Variants in NBEA observed in about 807,000 individuals in gnomAD.
The protein encoded by NBEA is neurobeachin, also known as lysosomal-trafficking regulator 2.
A neutral mutation model predicts 343.4 loss-of-function variants in NBEA; 44 were observed. That is an observed-to-expected ratio of 0.13 (90% CI 0.10 to 0.16). The LOEUF (loss-of-function observed/expected upper bound fraction) is 0.16. NBEA is among the 10% of genes least tolerant of loss of function. The pLI, the probability that NBEA is intolerant of heterozygous loss-of-function variation, is 1.00. For synonymous variants in NBEA, 1,175 were observed against 1,238.7 expected (o/e 0.95, Z 1.08); for missense variants, 2,555 against 3,631.3 (o/e 0.70, Z 7.62).
At chr13:35,067,452 A>C (rs2063696141) in intron 8 of NBEA, among the ~76,000 whole-genome samples, 1 of 152,142 alleles carries the variant, frequency 6.6e-6, no homozygotes, top group South Asian at 2.1e-4. Context: ...ATTGAAGTGT[A>C]ATTTACATGC....
In NBEA at chr13:35,606,205, G is replaced by A. The variant is rs371473464; in HGVS notation, c.7297-221G>A. On this transcript the variant is annotated intron_variant, in intron 47 of 58. Transcript: ENST00000379939. ...TGAAAATAGGTAACATTTTAAAGTA[G>A]CTATCATAAACATAAATTTTCAAGT... is the stretch of plus-strand genomic sequence containing the variant. 3.9e-5 allele frequency among the ~76,000 whole-genome samples: 6 copies of A among 151,942 alleles called. No individual in the cohort carries two copies. The East Asian group carries it at 9.6e-4, about 24-fold the overall frequency.
chr13:35,444,006 T>G (rs1042730019), intron 39 of NBEA, among the ~76,000 whole-genome samples: 1 of 151,958 alleles, frequency 6.6e-6, no homozygotes, highest in African/African-American at 2.4e-5. Flanking sequence ...TTTAGATGAT[T>G]TACAAAGAAA....
chr13:35,268,765 T>A (rs1462829612), intron 34 of NBEA, among the ~76,000 whole-genome samples: 1 of 152,094 alleles, frequency 6.6e-6, no homozygotes, highest in Non-Finnish European at 1.5e-5. Flanking sequence ...CATTTTAATG[T>A]ATGATCATTT....
At chr13:35,291,211 A>G (rs936825465) in intron 35 of NBEA, among the ~76,000 whole-genome samples, 2 of 151,848 alleles carry the variant, frequency 1.3e-5, no homozygotes, top group African/African-American at 4.8e-5. Context: ...TGTTTGTAAT[A>G]AGCAGTTATT....
chr13:35,506,454 C>G (rs2077076475), intron 41 of NBEA, among the ~76,000 whole-genome samples: 1 of 152,034 alleles, frequency 6.6e-6, no homozygotes, highest in African/African-American at 2.4e-5. Flanking sequence ...GTTTATAAGT[C>G]TGCCTTATGT....
chr13:35,671,165 C>T lies in NBEA; in HGVS notation c.*174C>T. On this transcript the variant is annotated 3_prime_UTR_variant, in exon 59 of 59. Coordinates refer to ENST00000379939, the MANE Select transcript of NBEA (RefSeq NM_001385012.1). Reference sequence around the variant, plus strand: ...AACCATTTTACTTTGTGTGTTTTTTCACGACTGAACACCAGCTGCTATCAA... The same window carrying T: ...AACCATTTTACTTTGTGTGTTTTTTTACGACTGAACACCAGCTGCTATCAA... 1 of 555,816 alleles carries T rather than the reference C, an allele frequency of 1.8e-6. No homozygotes were observed. Among genetic ancestry groups the T allele is most frequent in the Non-Finnish European group, 3.2e-6 (1 of 309,548 alleles). The allele number at this position is 555,816 out of a possible 1,614,324, so 34.4% of individuals were successfully genotyped here. A position where few individuals can be genotyped will look rare whatever the true frequency, so the allele number is the denominator to read the frequency against.
chr13:35,639,648 T>G (rs2083849055), intron 49 of NBEA, among the ~76,000 whole-genome samples: 1 of 152,164 alleles, frequency 6.6e-6, no homozygotes, highest in Non-Finnish European at 1.5e-5. Context: ...CTAAGGAAAC[T>G]TTGAAAATCT....
intron 36 of NBEA, among the ~76,000 whole-genome samples, chr13:35,338,494 A>T (rs557058072): frequency 6.6e-6 from 1 of 152,188 alleles, no homozygotes; most frequent in Non-Finnish European, 1.5e-5. Context: ...AGAAAAATTC[A>T]TTACCAGATG....
In NBEA at chr13:35,159,203, G is replaced by A; in HGVS notation, c.3032G>A (p.Ser1011Asn). 6.2e-7 allele frequency: 1 copy of A among 1,613,562 alleles called. No individual in the cohort carries two copies. The highest frequency in any genetic ancestry group is 1.1e-5 in the South Asian group (1 of 91,064). ...REIEDLSQSQ[S>N]PESETDYPVS... The stretch of plus-strand genomic sequence containing the variant: ...ATAGAAGATCTTTCACAAAGCCAGA[G>A]CCCAGAAAGTGAGACCGATTACCCT... The change falls in exon 22 of 59, where the codon AGC (serine) becomes AAC (asparagine). Residue 1011 changes from serine to asparagine, a missense_variant. Physicochemically the swap from Ser to Asn is conservative, Grantham distance 46. This residue lies in a region of NBEA where 367 missense variants were observed against 377.5 expected (regional missense o/e 0.97). Coordinates refer to ENST00000379939, the MANE Select transcript of NBEA (RefSeq NM_001385012.1).
chr13:35,208,902 G>C (rs758104126), intron 32 of NBEA, 48 bp downstream of exon 32: 5 of 1,318,848 alleles, frequency 3.8e-6, no homozygotes, highest in Non-Finnish European at 5.1e-6. Flanking sequence ...TATGTTTTCT[G>C]TATCATTTTT....
At position 35,041,079 on chromosome 13, in the gene NBEA, T is replaced by C; in HGVS notation, c.441T>C (p.Ser147=). ...WSMFTAILRK[S]VRNLQTSTEV... ...TGTTTACAGCCATTCTACGAAAAAG[T>C]GTTCGGAATTTACAGACTAGCACAG... Residue 147 remains serine, a synonymous_variant, in exon 2 of 59, where the codon AGT becomes AGC. Transcript: ENST00000379939. 1 of 1,613,184 alleles carries C rather than the reference T, an allele frequency of 6.2e-7. No individual in the cohort carries two copies.
At chr13:35,156,315 T>A in intron 20 of NBEA, 109 bp downstream of exon 20, 1 of 1,158,102 alleles carries the variant, frequency 8.6e-7, no homozygotes, top group Non-Finnish European at 1.2e-6. Context: ...ATACTTTTAA[T>A]CATCAGAAAA....
rs754458332 is a variant in NBEA, at chr13:35,670,999, G to A, written c.*8G>A. 1 of 1,559,036 alleles carries A rather than the reference G, an allele frequency of 6.4e-7. No homozygotes were observed. Among genetic ancestry groups the A allele is most frequent in the Non-Finnish European group, 8.7e-7 (1 of 1,148,620 alleles). Reference sequence around the variant, plus strand: ...CATCAGAACAGATACTGAAGATAAAGGAAGAACCAAAAGCCAAGTTAAAGC... The same window carrying A: ...CATCAGAACAGATACTGAAGATAAAAGAAGAACCAAAAGCCAAGTTAAAGC... On this transcript the variant is annotated 3_prime_UTR_variant, in exon 59 of 59. Coordinates refer to ENST00000379939, the MANE Select transcript of NBEA (RefSeq NM_001385012.1).
chr13:35,405,411 T>C (rs1188882593), intron 38 of NBEA, among the ~76,000 whole-genome samples: 1 of 152,184 alleles, frequency 6.6e-6, no homozygotes, highest in African/African-American at 2.4e-5. Context: ...TGCTAGGCAC[T>C]GGGCTAAACA....
At chr13:35,308,536 ATATG>A (rs2037113522) in intron 35 of NBEA, among the ~76,000 whole-genome samples, 1 of 124,440 alleles carries the variant, frequency 8.0e-6, no homozygotes, top group East Asian at 2.1e-4. Context: ...ATATATGTAT[ATATG>A]TATATATATG....
At chr13:35,377,534 G>A (rs988612709) in intron 38 of NBEA, among the ~76,000 whole-genome samples, 2 of 152,162 alleles carry the variant, frequency 1.3e-5, no homozygotes, top group African/African-American at 2.4e-5. Flanking sequence ...GCTGAAACAT[G>A]TCATTGTCTT....
At chr13:35,637,153 A>G (rs933802561) in intron 49 of NBEA, among the ~76,000 whole-genome samples, 1 of 152,202 alleles carries the variant, frequency 6.6e-6, no homozygotes, top group African/African-American at 2.4e-5. Context: ...CAAAGCGATA[A>G]TGAAGACTCC....
At chr13:35,105,954 G>A (rs1315997765) in intron 11 of NBEA, among the ~76,000 whole-genome samples, 1 of 151,954 alleles carries the variant, frequency 6.6e-6, no homozygotes, top group Non-Finnish European at 1.5e-5. Context: ...CTAAATGTTG[G>A]AACAATCTCT....
intron 4 of NBEA, 60 bp from the exon 5 acceptor site, chr13:35,048,503 C>G (rs17051829): frequency 0.022 from 33,291 of 1,494,420 alleles, 555 homozygotes; most frequent in South Asian, 0.066. Flanking sequence ...CATATTTGAC[C>G]TTAGCTACTA....
Sources: gnomAD v4.1 joint callset for allele counts (sites outside exome capture counted in the v4.1 genomes callset) on GRCh38, gnomAD v4.1.1 for gene constraint, gnomAD v4.1.1 regional missense constraint, MANE v1.5 for transcripts, NCBI Gene and HGNC (gene_info 2026-07-23, HGNC 2026-07-21) for gene names.